AFG2A: variants seen among roughly 807,000 people sequenced by gnomAD.
AFG2A encodes the protein ATPase family gene 2 protein homolog A.
chr4:123,067,207 C>G, the AFG2A span, among the ~76,000 whole-genome samples: 1 of 152,094 alleles, frequency 6.6e-6, no homozygotes, highest in Non-Finnish European at 1.5e-5. Context: ...CCAATTTTGA[C>G]TGTGGGTGTG....
the AFG2A span, among the ~76,000 whole-genome samples, chr4:122,957,611 G>T: frequency 1.3e-5 from 2 of 152,172 alleles, no homozygotes; most frequent in Non-Finnish European, 2.9e-5. Context: ...TAAATAAAAA[G>T]AATTGGACAT....
At chr4:123,308,890 C>T in the AFG2A span, among the ~76,000 whole-genome samples, 39 of 152,128 alleles carry the variant, frequency 2.6e-4, no homozygotes, top group African/African-American at 9.2e-4. Flanking sequence ...CTGTTGCTGC[C>T]CTTTGACCCA....
the AFG2A span, among the ~76,000 whole-genome samples, chr4:122,951,433 T>TACAC: frequency 0.041 from 6,004 of 147,558 alleles, 168 homozygotes; most frequent in Middle Eastern, 0.087. Context: ...TTTTCCAAAG[T>TACAC]ACACACACAC....
the AFG2A span, among the ~76,000 whole-genome samples, chr4:123,002,214 G>T: frequency 6.6e-6 from 1 of 151,850 alleles, no homozygotes; most frequent in Non-Finnish European, 1.5e-5. Context: ...ATGTGAGATG[G>T]GTTTCCTGAA....
At chr4:123,319,020 T>A in the AFG2A span, 1 of 152,200 alleles carries the variant, frequency 6.6e-6, no homozygotes, top group African/African-American at 2.4e-5. Context: ...GTTTGAATAG[T>A]ACAATTTTTT....
At chr4:123,237,636 G>C in the AFG2A span, among the ~76,000 whole-genome samples, 1 of 131,864 alleles carries the variant, frequency 7.6e-6, no homozygotes, top group Non-Finnish European at 1.5e-5. Context: ...TCATGCCACT[G>C]CACTCCAGCC....
chr4:122,934,651 A>C, the AFG2A span: 1 of 1,612,984 alleles, frequency 6.2e-7, no homozygotes, highest in East Asian at 2.2e-5. Flanking sequence ...AACTTATGAC[A>C]TGATAGGAGG....
the AFG2A span, among the ~76,000 whole-genome samples, chr4:123,126,698 T>C: frequency 2.0e-5 from 3 of 152,172 alleles, no homozygotes; most frequent in Non-Finnish European, 4.4e-5. Flanking sequence ...TGCCACCATG[T>C]GAAGAAGGAT....
the AFG2A span, among the ~76,000 whole-genome samples, chr4:123,263,844 G>C: frequency 6.6e-6 from 1 of 152,094 alleles, no homozygotes; most frequent in East Asian, 1.9e-4. Context: ...ATTTGATCCA[G>C]CAATCCCACT....
the AFG2A span, among the ~76,000 whole-genome samples, chr4:123,183,933 T>TTCATTC: frequency 1.7e-4 from 23 of 137,312 alleles, no homozygotes; most frequent in Admixed American, 6.3e-4. Context: ...CTTGCTTATT[T>TTCATTC]ATTCATTCAT....
At chr4:123,084,705 T>A in the AFG2A span, among the ~76,000 whole-genome samples, 1 of 151,874 alleles carries the variant, frequency 6.6e-6, no homozygotes. Context: ...CACAGCTCAC[T>A]AAGGCCTCAA....
At chr4:122,990,105 G>T in the AFG2A span, among the ~76,000 whole-genome samples, 25 of 152,256 alleles carry the variant, frequency 1.6e-4, no homozygotes, top group African/African-American at 6.0e-4. Flanking sequence ...GGCTCAAGCA[G>T]TCTTCTCACC....
At chr4:123,165,549 T>G in the AFG2A span, among the ~76,000 whole-genome samples, 1 of 152,120 alleles carries the variant, frequency 6.6e-6, no homozygotes, top group Non-Finnish European at 1.5e-5. Context: ...TATGGCTATC[T>G]GTAGGTCTTG....
At chr4:123,196,639 A>C in the AFG2A span, among the ~76,000 whole-genome samples, 31 of 152,200 alleles carry the variant, frequency 2.0e-4, no homozygotes, top group African/African-American at 7.5e-4. Flanking sequence ...ATCTTGGCTT[A>C]TTTGCATTTG....
At chr4:123,253,808 T>G in the AFG2A span, among the ~76,000 whole-genome samples, 2 of 152,312 alleles carry the variant, frequency 1.3e-5, no homozygotes, top group African/African-American at 4.8e-5. Context: ...CCAAAGTGGT[T>G]GTTCTATTTT....
the AFG2A span, among the ~76,000 whole-genome samples, chr4:123,306,487 C>G: frequency 6.6e-6 from 1 of 151,724 alleles, no homozygotes; most frequent in Non-Finnish European, 1.5e-5. Context: ...TTTTCACAAA[C>G]AGATAATGTT....
chr4:123,248,002 T>C, the AFG2A span, among the ~76,000 whole-genome samples: 2 of 152,196 alleles, frequency 1.3e-5, no homozygotes, highest in African/African-American at 2.4e-5. Flanking sequence ...GATCTTTCTC[T>C]ACTTTTTAGT....
chr4:123,000,247 C>A, the AFG2A span, among the ~76,000 whole-genome samples: 9 of 150,018 alleles, frequency 6.0e-5, no homozygotes, highest in African/African-American at 2.2e-4. Context: ...ATGTTGTCTG[C>A]ATACAGGGAC....
chr4:122,961,281 C>T, the AFG2A span, among the ~76,000 whole-genome samples: 3 of 152,060 alleles, frequency 2.0e-5, no homozygotes, highest in Non-Finnish European at 4.4e-5. Flanking sequence ...TTGTATTTTA[C>T]GTATATTTAT....
Sources: gnomAD v4.1 joint callset for allele counts (sites outside exome capture counted in the v4.1 genomes callset) on GRCh38, gnomAD v4.1.1 for gene constraint, MANE v1.5 for transcripts, NCBI Gene and HGNC (gene_info 2026-07-23, HGNC 2026-07-21) for gene names.